BCL2L11: variants seen among roughly 807,000 people sequenced by gnomAD.
BCL2L11 encodes BCL2 like 11, also known as bcl-2-like protein 11.
In BCL2L11, 15 loss-of-function variants were observed where a neutral mutation model predicts 20.6. The ratio of observed to expected loss-of-function variants is 0.73; its 90% CI spans 0.49 to 1.12. The LOEUF is 1.12. Among genes scored for constraint, BCL2L11 ranks in the 50% most tolerant of loss-of-function variants. BCL2L11 has a pLI of 0.00. For synonymous variants in BCL2L11, 108 were observed against 92.8 expected, an observed-to-expected ratio of 1.16 and a Z score of -0.94; for missense variants, 292 against 260.9, an observed-to-expected ratio of 1.12 and a Z score of -0.82.
Position 111,121,118 on chromosome 2 carries a change from G to C in BCL2L11, c.-84G>C, listed in dbSNP as rs2070803139. On this transcript the variant is annotated 5_prime_UTR_variant, in exon 1 of 4. Transcript: ENST00000393256. ...GGTTCGCTGCGTTCCCGCCGCCACC[G>C]CCTCGGCGCCCTTTCTTGGCCCTTG... 3.5e-6 allele frequency: 1 copy of C among 282,770 alleles called. No homozygotes were observed. Among genetic ancestry groups the C allele is most frequent in the South Asian group, 9.2e-5 (1 of 10,882 alleles). 17.5% of individuals were successfully genotyped at this position (282,770 alleles called of 1,614,324 possible). A position where few individuals can be genotyped will look rare whatever the true frequency, so the allele number is the denominator to read the frequency against.
intron 2 of BCL2L11, among the ~76,000 whole-genome samples, chr2:111,148,784 T>G (rs2076889280): frequency 6.6e-6 from 1 of 152,136 alleles, no homozygotes; most frequent in Non-Finnish European, 1.5e-5. Context: ...CCCTCAGTCT[T>G]TGTGGGATTA....
intron 3 of BCL2L11, chr2:111,153,861 C>G: frequency 6.4e-7 from 1 of 1,550,926 alleles, no homozygotes; most frequent in Non-Finnish European, 8.7e-7. Context: ...TGAGACGGAG[C>G]TGTGGAGGCT....
At position 111,123,725 on chromosome 2, in the gene BCL2L11, A is replaced by C; in HGVS notation, c.-13-8A>C. 7.2e-7 allele frequency: 1 copy of C among 1,384,650 alleles called. No homozygotes were observed. The highest frequency in any genetic ancestry group is 9.4e-7 in the Non-Finnish European group (1 of 1,062,632). The allele number at this position is 1,384,650 out of a possible 1,614,324, so 85.8% of individuals were successfully genotyped here. A position where few individuals can be genotyped will look rare whatever the true frequency, so the allele number is the denominator to read the frequency against. ...TTAAAATAATCTTAGTTTTTATTTT[A>C]CTTGCAGAAAAAAAGACCAAATGGC... is the stretch of plus-strand genomic sequence containing the variant. On this transcript the variant is annotated splice_region_variant and splice_polypyrimidine_tract_variant and intron_variant, in intron 1 of 3. Transcript: ENST00000393256.
chr2:111,122,621 A>G, intron 1 of BCL2L11: 4 of 984,144 alleles, frequency 4.1e-6, no homozygotes, highest in Non-Finnish European at 3.6e-6. Flanking sequence ...CGGCGGGCGC[A>G]GAGCGCGAGG....
intron 1 of BCL2L11, chr2:111,122,631 G>C: frequency 2.0e-6 from 2 of 984,390 alleles, no homozygotes; most frequent in Non-Finnish European, 2.4e-6. Context: ...AGAGCGCGAG[G>C]GGAGGAGCGG....
intron 1 of BCL2L11, among the ~76,000 whole-genome samples, chr2:111,121,797 C>G (rs996290945): frequency 6.6e-6 from 1 of 152,238 alleles, no homozygotes; most frequent in African/African-American, 2.4e-5. Flanking sequence ...CTGCAGGAGT[C>G]CTGCGGCCTG....
chr2:111,121,046 C>A lies in BCL2L11; in HGVS notation c.-156C>A. 2.7e-6 allele frequency: 1 copy of A among 372,860 alleles called. No homozygotes were observed. The highest frequency in any genetic ancestry group is 5.0e-5 in the Admixed American group (1 of 19,954). The allele number at this position is 372,860 out of a possible 1,614,324, so 23.1% of individuals were successfully genotyped here. On this transcript the variant is annotated 5_prime_UTR_variant, in exon 1 of 4. Transcript: ENST00000393256. ...CACTACCACCACTTGATTCTTGCAG[C>A]CACCCTGCGAACCCTGCCACACTGC... is the stretch of plus-strand genomic sequence containing the variant.
Position 111,129,883 on chromosome 2 carries a change from A to G in BCL2L11, c.394+5744A>G, listed in dbSNP as rs549409079. ...ATCATACTGTATGTGACCTTTTGAG[A>G]TTGGCTTTTTTCACTTAGCATAATT... On this transcript the variant is annotated intron_variant, in intron 2 of 3. Transcript: ENST00000393256. Among the ~76,000 whole-genome samples the G allele has an allele frequency of 2.0e-5, 3 of 152,234 alleles. No individual in the cohort carries two copies. In the South Asian group the frequency reaches 6.2e-4, roughly 32 times the overall value.
chr2:111,152,030 A>G (rs983879010), intron 3 of BCL2L11: 12 of 746,472 alleles, frequency 1.6e-5, no homozygotes, highest in Admixed American at 2.4e-5. Context: ...TCTATTGACT[A>G]GGAAGAACTG....
intron 2 of BCL2L11, chr2:111,128,974 C>A: frequency 1.6e-6 from 1 of 611,802 alleles, no homozygotes; most frequent in Non-Finnish European, 2.6e-6. Flanking sequence ...CAGTGCTGCT[C>A]TAGCAAGCCA....
At position 111,145,113 on chromosome 2, in the gene BCL2L11, A is replaced by G. The variant is rs76332235; in HGVS notation, c.395-4931A>G. Reference sequence around the variant, plus strand: ...ATATCTGAACATCTGAAAACAGTACAGAGTGCAGCGTTCCTGTGAATTTTA... The same window carrying G: ...ATATCTGAACATCTGAAAACAGTACGGAGTGCAGCGTTCCTGTGAATTTTA... On this transcript the variant is annotated intron_variant, in intron 2 of 3. Transcript: ENST00000393256. Among the ~76,000 whole-genome samples the G allele has an allele frequency of 2.4e-3, 369 of 152,362 alleles. 3 individuals are homozygous for G. Among genetic ancestry groups the G allele is most frequent in the African/African-American group, 8.4e-3 (350 of 41,584 alleles).
In BCL2L11 at chr2:111,164,838, A is replaced by G. The variant is rs1294125743; in HGVS notation, c.*607A>G. ...AGTTCTTTTGAAATGGAACTGATTA[A>G]AAGGGCAGAGGGTCTGTTGCCAGCC... is the stretch of plus-strand genomic sequence containing the variant. On this transcript the variant is annotated 3_prime_UTR_variant, in exon 4 of 4. Transcript: ENST00000393256. 6.5e-6 allele frequency: 1 copy of G among 152,696 alleles called. No individual in the cohort carries two copies. Among genetic ancestry groups the G allele is most frequent in the Non-Finnish European group, 1.5e-5 (1 of 68,086 alleles). 9.5% of individuals were successfully genotyped at this position (152,696 alleles called of 1,614,324 possible).
At chr2:111,150,908 G>GTTTGTTTGTTTGTT (rs1559072752) in intron 3 of BCL2L11, among the ~76,000 whole-genome samples, 3 of 88,702 alleles carry the variant, frequency 3.4e-5, no homozygotes, top group African/African-American at 1.0e-4. Flanking sequence ...GTTTGTTTGT[G>GTTTGTTTGTTTGTT]TGTGTGTTTG....
chr2:111,139,808 T>C (rs549310342), intron 2 of BCL2L11, among the ~76,000 whole-genome samples: 1 of 152,250 alleles, frequency 6.6e-6, no homozygotes, highest in Admixed American at 6.5e-5. Context: ...AAATGTGCTT[T>C]GTATTTTCTC....
intron 1 of BCL2L11, chr2:111,122,736 G>A: frequency 6.1e-6 from 6 of 984,142 alleles, no homozygotes; most frequent in Non-Finnish European, 7.2e-6. Context: ...GGAGCGCGGC[G>A]GCGGGCTGGC....
intron 3 of BCL2L11, among the ~76,000 whole-genome samples, chr2:111,159,128 G>A (rs1467746014): frequency 1.3e-5 from 2 of 152,176 alleles, no homozygotes; most frequent in Non-Finnish European, 2.9e-5. Flanking sequence ...GAGGAGCAAC[G>A]GGCCCTTCCC....
At chr2:111,142,803 T>C (rs998047536) in intron 2 of BCL2L11, among the ~76,000 whole-genome samples, 2 of 152,242 alleles carry the variant, frequency 1.3e-5, no homozygotes, top group African/African-American at 2.4e-5. Context: ...GAAATTCTTA[T>C]ATTTTTTGTT....
chr2:111,139,702 G>A (rs561721545), intron 2 of BCL2L11, among the ~76,000 whole-genome samples: 1 of 152,174 alleles, frequency 6.6e-6, no homozygotes, highest in African/African-American at 2.4e-5. Context: ...TAAACAACAT[G>A]TACCCGGTTT....
intron 1 of BCL2L11, chr2:111,123,095 C>G (rs1403151137): frequency 1.0e-6 from 1 of 977,030 alleles, no homozygotes; most frequent in Non-Finnish European, 1.2e-6. Flanking sequence ...CGGTGTGCAC[C>G]TCAGAGAAGT....
Sources: gnomAD v4.1 joint callset for allele counts (sites outside exome capture counted in the v4.1 genomes callset) on GRCh38, gnomAD v4.1.1 for gene constraint, MANE v1.5 for transcripts, NCBI Gene and HGNC (gene_info 2026-07-23, HGNC 2026-07-21) for gene names.